The following CNTNAP2 variants were observed in gnomAD, a reference collection of about 807,000 sequenced individuals.
CNTNAP2 encodes contactin-associated protein-like 2.
A neutral mutation model predicts 155.2 loss-of-function variants in CNTNAP2; 98 were observed. The observed-to-expected ratio is 0.63, with a 90% confidence interval of 0.54 to 0.75. The LOEUF is 0.75. Ranked by LOEUF, CNTNAP2 falls within the 30% of genes least tolerant of loss-of-function variation. The pLI is 0.00. For synonymous variants in CNTNAP2, 651 were observed against 631.2 expected (o/e 1.03, Z -0.47); for missense variants, 1,727 against 1,688.1 (o/e 1.02, Z -0.40).
At chr7:147,600,707 T>C (rs1216348228) in intron 12 of CNTNAP2, among the ~76,000 whole-genome samples, 1 of 152,148 alleles carries the variant, frequency 6.6e-6, no homozygotes, top group African/African-American at 2.4e-5. Context: ...CAGGGTACTG[T>C]GTTTCATATC....
At chr7:148,396,658 C>A (rs1799474974) in intron 22 of CNTNAP2, among the ~76,000 whole-genome samples, 1 of 152,128 alleles carries the variant, frequency 6.6e-6, no homozygotes, top group African/African-American at 2.4e-5. Context: ...AGAGAAAAGT[C>A]CTTTTATAAA....
chr7:146,520,313 C>CATATATAT lies in CNTNAP2; in HGVS notation c.98-253941_98-253934dup, dbSNP rs59563196. Among the ~76,000 whole-genome samples, 726 of 140,794 alleles carry CATATATAT rather than the reference C, an allele frequency of 5.2e-3. 5 individuals carry two copies. The highest frequency in any genetic ancestry group is 0.01 in the African/African-American group (392 of 38,660). The allele number at this position is 140,794 out of a possible 152,430, so 92.4% of individuals were successfully genotyped here. A position where few individuals can be genotyped will look rare whatever the true frequency, so the allele number is the denominator to read the frequency against. ...ATATATCTAGATATCTAGATATATTCATATATATATATATATATATATATC... is the reference window on the plus strand; with the variant it reads ...ATATATCTAGATATCTAGATATATTCATATATATATATATATATATATATATATATATC... On this transcript the variant is annotated intron_variant, in intron 1 of 23. Transcript: ENST00000361727.
chr7:148,175,027 G>A (rs1323731987), intron 18 of CNTNAP2, among the ~76,000 whole-genome samples: 1 of 152,084 alleles, frequency 6.6e-6, no homozygotes, highest in Non-Finnish European at 1.5e-5. Flanking sequence ...CTGTTCCTGT[G>A]TTAGTTTGCT....
At chr7:148,077,106 G>A (rs762135002) in intron 15 of CNTNAP2, among the ~76,000 whole-genome samples, 3 of 152,002 alleles carry the variant, frequency 2.0e-5, no homozygotes, top group South Asian at 2.1e-4. Context: ...TCGGGAGTTC[G>A]ATACTAGCCT....
chr7:147,335,112 T>C (rs1210366890), intron 9 of CNTNAP2, among the ~76,000 whole-genome samples: 2 of 152,138 alleles, frequency 1.3e-5, no homozygotes, highest in African/African-American at 2.4e-5. Flanking sequence ...TTATATTAAA[T>C]TTACCTAGTT....
intron 17 of CNTNAP2, among the ~76,000 whole-genome samples, chr7:148,170,674 G>C (rs890566656): frequency 1.3e-5 from 2 of 152,220 alleles, no homozygotes; most frequent in African/African-American, 4.8e-5. Context: ...TGAGAGAACT[G>C]CAAGGCTTGG....
chr7:148,220,996 A>G (rs1795739403), intron 19 of CNTNAP2, among the ~76,000 whole-genome samples: 1 of 151,960 alleles, frequency 6.6e-6, no homozygotes, highest in Non-Finnish European at 1.5e-5. Context: ...ACACATTCCC[A>G]CACATACTTT....
intron 1 of CNTNAP2, among the ~76,000 whole-genome samples, chr7:146,227,428 C>CAAAAAAAAA (rs755623604): frequency 6.8e-5 from 4 of 58,712 alleles, no homozygotes; most frequent in Admixed American, 2.3e-4. Context: ...CTGTCTCAAA[C>CAAAAAAAAA]AAAAAAAAAA....
intron 8 of CNTNAP2, among the ~76,000 whole-genome samples, chr7:147,263,199 T>A (rs1176453458): frequency 1.3e-5 from 2 of 151,828 alleles, no homozygotes; most frequent in African/African-American, 2.4e-5. Flanking sequence ...GTGCAAAAGG[T>A]TAGCCAGGCA....
chr7:146,632,965 G>A (rs1799534563), intron 1 of CNTNAP2, among the ~76,000 whole-genome samples: 1 of 150,610 alleles, frequency 6.6e-6, no homozygotes, highest in Admixed American at 6.6e-5. Flanking sequence ...ACAAAATATC[G>A]GAAGAATTAC....
chr7:148,055,731 A>G (rs983571841), intron 15 of CNTNAP2, among the ~76,000 whole-genome samples: 41 of 30,710 alleles, frequency 1.3e-3, no homozygotes, highest in Middle Eastern at 0.03. Context: ...AAGTTAACAC[A>G]TTGCAGTTAA....
chr7:146,474,429 A>G (rs1008023398), intron 1 of CNTNAP2, among the ~76,000 whole-genome samples: 12 of 148,916 alleles, frequency 8.1e-5, no homozygotes, highest in Non-Finnish European at 1.6e-4. Context: ...TTTTTTTACC[A>G]TGGTCTACCT....
rs536271055 is a variant in CNTNAP2, at chr7:146,859,267, T to C, written c.402+19363T>C. Among the ~76,000 whole-genome samples, 6 of 152,320 alleles carry C rather than the reference T, an allele frequency of 3.9e-5. 1 individual carries two copies. In the South Asian group the frequency reaches 1.2e-3, roughly 32 times the overall value. ...TAAACTGATTAATGGCACTTAAATG[T>C]GTCTGTTGACAGAACACCAGTAACA... On this transcript the variant is annotated intron_variant, in intron 3 of 23. Transcript: ENST00000361727.
intron 1 of CNTNAP2, among the ~76,000 whole-genome samples, chr7:146,516,184 T>G (rs565197892): frequency 6.6e-6 from 1 of 152,136 alleles, no homozygotes; most frequent in Non-Finnish European, 1.5e-5. Context: ...GACTCTTTAC[T>G]ATCATGGGTA....
At chr7:148,035,065 G>T (rs1202897637) in intron 15 of CNTNAP2, among the ~76,000 whole-genome samples, 1 of 152,150 alleles carries the variant, frequency 6.6e-6, no homozygotes, top group African/African-American at 2.4e-5. Flanking sequence ...TATTGAAGGA[G>T]TTGCATGGTT....
intron 10 of CNTNAP2, among the ~76,000 whole-genome samples, chr7:147,459,982 G>C (rs28679305): frequency 0.22 from 34,142 of 151,868 alleles, 4,304 homozygotes; most frequent in African/African-American, 0.34. Flanking sequence ...TCACACACCA[G>C]GGCCTGTCAG....
At chr7:146,711,647 G>C (rs1801074321) in intron 1 of CNTNAP2, among the ~76,000 whole-genome samples, 4 of 148,706 alleles carry the variant, frequency 2.7e-5, no homozygotes, top group Admixed American at 2.0e-4. Context: ...AAGTCATTTT[G>C]AGGTTCACAC....
chr7:146,994,291 A>G (rs1424852484), intron 3 of CNTNAP2, among the ~76,000 whole-genome samples: 2 of 152,056 alleles, frequency 1.3e-5, no homozygotes, highest in African/African-American at 4.8e-5. Flanking sequence ...ACTGCACTCT[A>G]TTTTCCTTTT....
chr7:146,914,069 A>G (rs1400475249), intron 3 of CNTNAP2, among the ~76,000 whole-genome samples: 6 of 152,078 alleles, frequency 3.9e-5, no homozygotes, highest in African/African-American at 9.7e-5. Context: ...CCAGGTTGCT[A>G]TGAATGCCAA....
Sources: allele counts gnomAD v4.1 joint callset (sites outside exome capture counted in the v4.1 genomes callset), GRCh38; gene constraint gnomAD v4.1.1; transcripts MANE v1.5; gene names NCBI Gene and HGNC (gene_info 2026-07-23, HGNC 2026-07-21).